Variants in PPP6R3 observed in about 807,000 individuals in gnomAD.
PPP6R3 encodes serine/threonine-protein phosphatase 6 regulatory subunit 3.
PPP6R3 carries 38 observed loss-of-function variants against 110.7 expected under a neutral mutation model. That is an observed-to-expected ratio of 0.34 (90% CI 0.26 to 0.45). PPP6R3 has a LOEUF of 0.45. Among genes scored for constraint, PPP6R3 ranks in the 20% least tolerant of loss-of-function variants. The probability of loss-of-function intolerance (pLI) is 1.00; values close to 1 mark genes in which losing one functional copy is unlikely to be tolerated. For missense variants in PPP6R3, 870 were observed against 1,062.4 expected, an observed-to-expected ratio of 0.82 and a Z score of 2.52; for synonymous variants, 369 against 373.5, an observed-to-expected ratio of 0.99 and a Z score of 0.14.
chr11:68,509,470 AT>A lies in PPP6R3; in HGVS notation c.-157-10012del, dbSNP rs34228704. ...TTTTATTTTTTTATTTTACTTCTCT[AT>A]TTTTTTTTTTTTTTTTTTACCAAGT... On this transcript the variant is annotated intron_variant, in intron 1 of 23. Coordinates refer to ENST00000393800, the MANE Select transcript of PPP6R3 (RefSeq NM_001164161.2). 9.2e-3 allele frequency among the ~76,000 whole-genome samples: 1,077 copies of A among 116,440 alleles called. 11 individuals carry two copies. The highest frequency in any genetic ancestry group is 0.026 in the African/African-American group (827 of 31,284). The allele number at this position is 116,440 out of a possible 152,430, so 76.4% of individuals were successfully genotyped here.
chr11:68,494,565 A>G (rs958787124), intron 1 of PPP6R3, among the ~76,000 whole-genome samples: 1 of 152,034 alleles, frequency 6.6e-6, no homozygotes, highest in African/African-American at 2.4e-5. Context: ...TACCTTATGG[A>G]TTTTCATTAA....
At chr11:68,527,383 A>G (rs970626785) in intron 2 of PPP6R3, among the ~76,000 whole-genome samples, 2 of 152,142 alleles carry the variant, frequency 1.3e-5, no homozygotes, top group African/African-American at 4.8e-5. Context: ...TGCAGACTCC[A>G]GTGTCTGTCT....
Position 68,615,273 on chromosome 11 carries a change from CTACAA to C in PPP6R3, c.*2165_*2169del, listed in dbSNP as rs1456095791. ...ACTGAATTATGAGACTAACAGATGT[CTACAA>C]TACAATACCTGTATTCAAAATAACA... On this transcript the variant is annotated 3_prime_UTR_variant, in exon 24 of 24. Coordinates refer to ENST00000393800, the MANE Select transcript of PPP6R3 (RefSeq NM_001164161.2). The C allele has an allele frequency of 2.8e-6, 1 of 359,912 alleles. No individual in the cohort carries two copies. Among genetic ancestry groups the C allele is most frequent in the Non-Finnish European group, 5.5e-6 (1 of 182,796 alleles). The allele number at this position is 359,912 out of a possible 1,614,324, so 22.3% of individuals were successfully genotyped here.
At chr11:68,570,412 C>G (rs2099499219) in intron 11 of PPP6R3, among the ~76,000 whole-genome samples, 1 of 152,128 alleles carries the variant, frequency 6.6e-6, no homozygotes, top group African/African-American at 2.4e-5. Flanking sequence ...TTTAAAATTT[C>G]TAGCCCACAC....
At chr11:68,478,083 G>A (rs2098848514) in intron 1 of PPP6R3, among the ~76,000 whole-genome samples, 1 of 151,920 alleles carries the variant, frequency 6.6e-6, no homozygotes, top group Non-Finnish European at 1.5e-5. Context: ...CCAAGTAGCT[G>A]GGATTACAGG....
chr11:68,551,347 A>G (rs2099374328), intron 6 of PPP6R3, 161 bp downstream of exon 6: 2 of 594,494 alleles, frequency 3.4e-6, no homozygotes, highest in Non-Finnish European at 5.7e-6. Flanking sequence ...TCTAAACAAT[A>G]TTACATTTTG....
chr11:68,579,093 T>C (rs1031110234), intron 14 of PPP6R3, among the ~76,000 whole-genome samples: 2 of 152,232 alleles, frequency 1.3e-5, no homozygotes, highest in Admixed American at 6.5e-5. Context: ...AGAAGAGATG[T>C]AGAATGATCT....
intron 1 of PPP6R3, among the ~76,000 whole-genome samples, chr11:68,473,734 G>T (rs1441961394): frequency 6.6e-6 from 1 of 152,190 alleles, no homozygotes; most frequent in Non-Finnish European, 1.5e-5. Flanking sequence ...TGCATGATGT[G>T]TGGTCACATA....
chr11:68,469,739 G>A (rs905498762), intron 1 of PPP6R3, among the ~76,000 whole-genome samples: 2 of 151,934 alleles, frequency 1.3e-5, no homozygotes, highest in Non-Finnish European at 2.9e-5. Context: ...GTATATATCA[G>A]CATGTGCCCA....
chr11:68,583,138 C>G lies in PPP6R3; in HGVS notation c.1632+9C>G. On this transcript the variant is annotated intron_variant, in intron 15 of 23. Transcript: ENST00000393800. ...ATTCTTCTTTGCAGCAAGTGAGTCACGCCTAAAGCTTTGCTTTTTGTTTTT... is the reference window on the plus strand; with the variant it reads ...ATTCTTCTTTGCAGCAAGTGAGTCAGGCCTAAAGCTTTGCTTTTTGTTTTT... The G allele has an allele frequency of 2.0e-6, 3 of 1,506,796 alleles. No individual in the cohort carries two copies. Among genetic ancestry groups the G allele is most frequent in the Non-Finnish European group, 1.8e-6 (2 of 1,121,200 alleles). The allele number at this position is 1,506,796 out of a possible 1,614,324, so 93.3% of individuals were successfully genotyped here.
intron 1 of PPP6R3, among the ~76,000 whole-genome samples, chr11:68,465,447 A>C (rs2098739128): frequency 6.6e-6 from 1 of 152,214 alleles, no homozygotes; most frequent in Non-Finnish European, 1.5e-5. Flanking sequence ...TAGATTATCT[A>C]GTTTATGGAA....
intron 1 of PPP6R3, among the ~76,000 whole-genome samples, chr11:68,479,350 C>G (rs1463113108): frequency 6.6e-6 from 1 of 152,150 alleles, no homozygotes; most frequent in Non-Finnish European, 1.5e-5. Context: ...TGACTGTGGT[C>G]TGTCACATGA....
chr11:68,512,949 T>C (rs1336501821), intron 1 of PPP6R3, among the ~76,000 whole-genome samples: 3 of 152,168 alleles, frequency 2.0e-5, no homozygotes, highest in African/African-American at 7.2e-5. Flanking sequence ...GCGGGGAAGA[T>C]CTGCCCTCAG....
chr11:68,508,121 C>CTTTTT (rs748376581), intron 1 of PPP6R3, among the ~76,000 whole-genome samples: 148 of 77,598 alleles, frequency 1.9e-3, no homozygotes, highest in East Asian at 2.6e-3. Flanking sequence ...GTTTTTTGGC[C>CTTTTT]TTTTTTTTTT....
At chr11:68,591,504 T>G in intron 17 of PPP6R3, 72 bp from the exon 18 acceptor site, 2 of 1,390,188 alleles carry the variant, frequency 1.4e-6, no homozygotes, top group Non-Finnish European at 1.9e-6. Flanking sequence ...CAATTTACAT[T>G]GGTAATGCTT....
At chr11:68,511,949 T>C (rs1459421976) in intron 1 of PPP6R3, among the ~76,000 whole-genome samples, 1 of 152,206 alleles carries the variant, frequency 6.6e-6, no homozygotes, top group African/African-American at 2.4e-5. Context: ...GGGGTTCTTT[T>C]TACCTCTTTC....
intron 1 of PPP6R3, among the ~76,000 whole-genome samples, chr11:68,517,089 C>T (rs903942951): frequency 1.2e-4 from 18 of 150,194 alleles, no homozygotes; most frequent in Non-Finnish European, 5.9e-5. Context: ...GATTTCCTCT[C>T]TTCTGTTTTT....
intron 7 of PPP6R3, among the ~76,000 whole-genome samples, chr11:68,556,064 A>AT (rs1247109191): frequency 4.6e-5 from 7 of 152,194 alleles, no homozygotes; most frequent in Non-Finnish European, 1.5e-5. Context: ...TATCTATTTG[A>AT]TAAATCATAG....
Position 68,477,741 on chromosome 11 carries a change from A to AAAATATATATAT in PPP6R3, c.-158+16915_-158+16916insAATATATATATA. On this transcript the variant is annotated intron_variant, in intron 1 of 23. Transcript: ENST00000393800. ...GACATTGTCTCTTAAAAAAAAAAAA[A>AAAATATATATAT]ATATATATATATATATATATATATA... 1.1e-3 allele frequency among the ~76,000 whole-genome samples: 66 copies of AAAATATATATAT among 57,888 alleles called. 1 individual carries two copies. The highest frequency in any genetic ancestry group is 2.4e-3 in the African/African-American group (34 of 14,024). 38.0% of individuals were successfully genotyped at this position (57,888 alleles called of 152,430 possible).
Sources: gnomAD v4.1 joint callset for allele counts (sites outside exome capture counted in the v4.1 genomes callset) on GRCh38, gnomAD v4.1.1 for gene constraint, MANE v1.5 for transcripts, NCBI Gene and HGNC (gene_info 2026-07-23, HGNC 2026-07-21) for gene names.